LSM12: variants seen among roughly 807,000 people sequenced by gnomAD.
The protein encoded by LSM12 is protein LSM12.
For synonymous variants in LSM12, 74 were observed against 87.3 expected (o/e 0.85, Z 0.85); for missense variants, 108 against 238.9 (o/e 0.45, Z 3.61).
At position 44,040,104 on chromosome 17, in the gene LSM12, T is replaced by C. The variant is rs775822083; in HGVS notation, c.368+43A>G. On this transcript the variant is annotated intron_variant, in intron 3 of 4. Transcript: ENST00000293406. ...CCTGCCACCAGACAGCACAACCAGG[T>C]AGCATTACCCCAGGACAAAGGACCT... 1.8e-5 allele frequency: 27 copies of C among 1,462,986 alleles called. No individual in the cohort carries two copies. The Admixed American group carries it at 3.9e-4, about 21-fold the overall frequency. The allele number at this position is 1,462,986 out of a possible 1,614,324, so 90.6% of individuals were successfully genotyped here.
chr17:44,041,099 C>T (rs1414360166), intron 2 of LSM12, among the ~76,000 whole-genome samples: 4 of 150,204 alleles, frequency 2.7e-5, no homozygotes, highest in Non-Finnish European at 4.4e-5. Flanking sequence ...GGTGAAACCC[C>T]GTCTCTACTA....
chr17:44,047,721 C>T (rs2049588389), intron 2 of LSM12, among the ~76,000 whole-genome samples: 1 of 151,402 alleles, frequency 6.6e-6, no homozygotes, highest in South Asian at 2.1e-4. Flanking sequence ...GACCACTATG[C>T]CTGGCAGGTT....
intron 2 of LSM12, among the ~76,000 whole-genome samples, chr17:44,044,172 C>G (rs1374210608): frequency 1.3e-5 from 2 of 151,936 alleles, no homozygotes; most frequent in Non-Finnish European, 2.9e-5. Context: ...AAGAATGGAA[C>G]TGACAAATTA....
intron 2 of LSM12, among the ~76,000 whole-genome samples, chr17:44,058,529 C>G (rs892414342): frequency 6.6e-6 from 1 of 151,760 alleles, no homozygotes; most frequent in Non-Finnish European, 1.5e-5. Context: ...CAGTAAGACC[C>G]TGTCTCTACA....
intron 1 of LSM12, among the ~76,000 whole-genome samples, chr17:44,064,846 T>C (rs1378818713): frequency 6.6e-6 from 1 of 151,946 alleles, no homozygotes; most frequent in Non-Finnish European, 1.5e-5. Flanking sequence ...AAAAAGCAAC[T>C]ATTCTTAGGC....
intron 2 of LSM12, among the ~76,000 whole-genome samples, chr17:44,058,852 T>C (rs1254382741): frequency 6.6e-6 from 1 of 151,382 alleles, no homozygotes; most frequent in African/African-American, 2.4e-5. Flanking sequence ...AAAGAAAAAT[T>C]AGCCAGGTGT....
upstream of LSM12, among the ~76,000 whole-genome samples, chr17:44,067,122 A>T (rs1013085397): frequency 6.6e-5 from 10 of 152,156 alleles, no homozygotes; most frequent in African/African-American, 2.4e-4. Context: ...CAACATGGTG[A>T]AACCCCGTCT....
At chr17:44,064,353 G>A (rs759726580) in intron 1 of LSM12, among the ~76,000 whole-genome samples, 2 of 152,180 alleles carry the variant, frequency 1.3e-5, no homozygotes, top group Non-Finnish European at 2.9e-5. Context: ...ATTCACCCAA[G>A]GTGACCCAGC....
At chr17:44,044,037 T>C (rs1015349148) in intron 2 of LSM12, among the ~76,000 whole-genome samples, 3 of 152,122 alleles carry the variant, frequency 2.0e-5, no homozygotes, top group Admixed American at 1.3e-4. Flanking sequence ...GTTGACTAGA[T>C]AGTCTGAACG....
intron 2 of LSM12, among the ~76,000 whole-genome samples, chr17:44,048,998 G>A (rs190310420): frequency 2.0e-5 from 3 of 152,250 alleles, no homozygotes; most frequent in East Asian, 3.9e-4. Context: ...AGACTAGCCT[G>A]GCCAACATTG....
intron 2 of LSM12, among the ~76,000 whole-genome samples, chr17:44,047,742 GT>G (rs528238771): frequency 2.1e-3 from 291 of 141,018 alleles, no homozygotes; most frequent in African/African-American, 5.6e-3. Context: ...TGTTTGTTCT[GT>G]TTTTTTTTTT....
At chr17:44,047,686 C>T (rs2049588064) in intron 2 of LSM12, among the ~76,000 whole-genome samples, 1 of 152,026 alleles carries the variant, frequency 6.6e-6, no homozygotes, top group Non-Finnish European at 1.5e-5. Flanking sequence ...CCTCAGCCTC[C>T]CAAGCATCTG....
At chr17:44,042,867 A>T (rs556261232) in intron 2 of LSM12, among the ~76,000 whole-genome samples, 16 of 150,864 alleles carry the variant, frequency 1.1e-4, no homozygotes, top group African/African-American at 3.4e-4. Flanking sequence ...ACACCTGGCC[A>T]TTTTTTTGTA....
At chr17:44,054,485 T>C (rs544857911) in intron 2 of LSM12, among the ~76,000 whole-genome samples, 1 of 152,112 alleles carries the variant, frequency 6.6e-6, no homozygotes, top group Non-Finnish European at 1.5e-5. Flanking sequence ...TAATTTTGTA[T>C]TTTTTGTACA....
At chr17:44,061,811 C>T (rs2049798955) in intron 2 of LSM12, among the ~76,000 whole-genome samples, 1 of 152,164 alleles carries the variant, frequency 6.6e-6, no homozygotes, top group Non-Finnish European at 1.5e-5. Context: ...GCATCTTATT[C>T]ATCCAACAAA....
At chr17:44,037,135 A>G in intron 4 of LSM12, 1 of 291,830 alleles carries the variant, frequency 3.4e-6, no homozygotes, top group East Asian at 5.8e-5. Flanking sequence ...GGGATGAGAG[A>G]AACTGCTCAG....
intron 2 of LSM12, among the ~76,000 whole-genome samples, chr17:44,062,221 C>CAAAAA (rs529081923): frequency 4.7e-5 from 3 of 63,858 alleles, no homozygotes; most frequent in South Asian, 6.8e-4. Context: ...GACTCCGTCT[C>CAAAAA]AAAAAAAAAA....
In LSM12 at chr17:44,066,622, GC is replaced by G; in HGVS notation, c.-36del. 7.6e-7 allele frequency: 1 copy of G among 1,314,664 alleles called. No homozygotes were observed. Among genetic ancestry groups the G allele is most frequent in the Admixed American group, 4.1e-5 (1 of 24,282 alleles). The allele number at this position is 1,314,664 out of a possible 1,614,324, so 81.4% of individuals were successfully genotyped here. ...GCAGCCGCGGCCGGCGGCGGCGGCG[GC>G]AGCAGCGGGCGAAAGCCGGGCCCCC... On this transcript the variant is annotated 5_prime_UTR_variant, in exon 1 of 5. Transcript: ENST00000293406.
chr17:44,055,942 A>G (rs1401383610), intron 2 of LSM12, among the ~76,000 whole-genome samples: 6 of 151,610 alleles, frequency 4.0e-5, no homozygotes, highest in African/African-American at 1.5e-4. Context: ...CAGAATAAAA[A>G]CGAATTCTTC....
Sources: allele counts gnomAD v4.1 joint callset (sites outside exome capture counted in the v4.1 genomes callset), GRCh38; gene constraint gnomAD v4.1.1; transcripts MANE v1.5; gene names NCBI Gene and HGNC (gene_info 2026-07-23, HGNC 2026-07-21).